The following NKAIN2 variants were observed in gnomAD, a reference collection of about 807,000 sequenced individuals.
NKAIN2 encodes sodium/potassium-transporting ATPase subunit beta-1-interacting protein 2.
Under a neutral mutation model 32.6 loss-of-function variants are expected in NKAIN2, and 14 were observed. The observed-to-expected ratio is 0.43, with a 90% CI of 0.28 to 0.67. The LOEUF is 0.67. Among genes scored for constraint, NKAIN2 ranks in the 30% least tolerant of loss-of-function variants. The probability of loss-of-function intolerance (pLI) is 0.17; values close to 1 mark genes in which losing one functional copy is unlikely to be tolerated. For missense variants in NKAIN2, 198 were observed against 258.3 expected, an observed-to-expected ratio of 0.77 and a Z score of 1.60; for synonymous variants, 80 against 87.2, an observed-to-expected ratio of 0.92 and a Z score of 0.46.
intron 4 of NKAIN2, among the ~76,000 whole-genome samples, chr6:124,699,092 G>A (rs748516843): frequency 2.6e-5 from 4 of 152,122 alleles, no homozygotes; most frequent in African/African-American, 9.7e-5. Flanking sequence ...CCAAAGCTTA[G>A]TGGCTTAAAG....
intron 3 of NKAIN2, among the ~76,000 whole-genome samples, chr6:124,561,691 G>A (rs1562257637): frequency 6.6e-6 from 1 of 152,126 alleles, no homozygotes. Context: ...ATGGGAGACA[G>A]TCTTTGCATA....
intron 3 of NKAIN2, among the ~76,000 whole-genome samples, chr6:124,386,751 C>G (rs1230558988): frequency 6.6e-6 from 1 of 152,166 alleles, no homozygotes; most frequent in Non-Finnish European, 1.5e-5. Flanking sequence ...TCTCTTCTCA[C>G]AAATCTACCT....
chr6:124,451,447 G>T (rs1020009259), intron 3 of NKAIN2, among the ~76,000 whole-genome samples: 1 of 152,104 alleles, frequency 6.6e-6, no homozygotes. Context: ...ATGAATGGAG[G>T]CTTTACTCCT....
intron 2 of NKAIN2, among the ~76,000 whole-genome samples, chr6:124,332,662 C>A (rs1202413137): frequency 1.3e-5 from 2 of 151,906 alleles, no homozygotes; most frequent in Non-Finnish European, 2.9e-5. Context: ...AAAAGTAATC[C>A]CAGTGCTGAT....
At chr6:124,617,865 A>G (rs990854655) in intron 3 of NKAIN2, among the ~76,000 whole-genome samples, 15 of 152,216 alleles carry the variant, frequency 9.9e-5, no homozygotes, top group Non-Finnish European at 2.1e-4. Flanking sequence ...ATAACTAGGA[A>G]TAATTCAAAT....
intron 1 of NKAIN2, among the ~76,000 whole-genome samples, chr6:124,253,514 C>T (rs1173287150): frequency 2.0e-5 from 3 of 152,100 alleles, no homozygotes; most frequent in Non-Finnish European, 4.4e-5. Context: ...ACATCTAGGG[C>T]AATTTGTTAG....
chr6:123,832,207 A>G (rs1021971500), intron 1 of NKAIN2, among the ~76,000 whole-genome samples: 3 of 152,160 alleles, frequency 2.0e-5, no homozygotes, highest in Non-Finnish European at 4.4e-5. Flanking sequence ...TCCAGATATC[A>G]TATAGTTGGA....
At chr6:123,952,499 CT>C (rs1248110127) in intron 1 of NKAIN2, among the ~76,000 whole-genome samples, 1 of 151,984 alleles carries the variant, frequency 6.6e-6, no homozygotes, top group Non-Finnish European at 1.5e-5. Context: ...TTTTCTTTGC[CT>C]TTGGTGAAAC....
intron 3 of NKAIN2, among the ~76,000 whole-genome samples, chr6:124,513,160 CATTAAACTAAAATA>C (rs1385716614): frequency 3.9e-5 from 6 of 152,066 alleles, no homozygotes; most frequent in Non-Finnish European, 8.8e-5. Context: ...TTATGAAAAA[CATTAAACTAAAATA>C]ATGTGAAAAG....
intron 3 of NKAIN2, among the ~76,000 whole-genome samples, chr6:124,601,359 G>C (rs533771482): frequency 6.6e-6 from 1 of 152,150 alleles, no homozygotes; most frequent in African/African-American, 2.4e-5. Context: ...TGCCTATTGC[G>C]TACACAATTC....
intron 4 of NKAIN2, among the ~76,000 whole-genome samples, chr6:124,687,432 CCAT>C: frequency 2.2e-3 from 2 of 890 alleles, no homozygotes; most frequent in African/African-American, 0.012. Flanking sequence ...TCCATGTATA[CCAT>C]ATACATACAT....
Position 123,949,535 on chromosome 6 carries a change from TC to T in NKAIN2, c.54+145283del, listed in dbSNP as rs368203073. ...CTTTCACCCACTTTGTTGAATTTAT[TC>T]CTACGTATTTGGTTCATTTTGTAAC... is the stretch of plus-strand genomic sequence containing the variant. On this transcript the variant is annotated intron_variant, in intron 1 of 6. Coordinates refer to ENST00000368417, the MANE Select transcript of NKAIN2 (RefSeq NM_001040214.3). 4.7e-3 allele frequency among the ~76,000 whole-genome samples: 710 copies of T among 152,142 alleles called. 2 individuals carry two copies. The highest frequency in any genetic ancestry group is 0.016 in the African/African-American group (678 of 41,562).
chr6:124,769,608 C>T (rs1778662183), intron 4 of NKAIN2, among the ~76,000 whole-genome samples: 1 of 152,062 alleles, frequency 6.6e-6, no homozygotes, highest in Admixed American at 6.5e-5. Context: ...GATTGTTTTC[C>T]CTGTTTCAAG....
chr6:124,103,284 G>A lies in NKAIN2; in HGVS notation c.55-179721G>A, dbSNP rs1047923215. Among the ~76,000 whole-genome samples, 4 of 152,036 alleles carry A rather than the reference G, an allele frequency of 2.6e-5. No homozygotes were observed. The South Asian group carries it at 6.2e-4, about 24-fold the overall frequency. ...AATTTGATACCCTGAAAAATAGAGC[G>A]TGAATCGAAAAGAACTTTCCTTAAT... On this transcript the variant is annotated intron_variant, in intron 1 of 6. Transcript: ENST00000368417.
intron 1 of NKAIN2, among the ~76,000 whole-genome samples, chr6:124,173,203 A>C (rs1358286707): frequency 6.6e-6 from 1 of 152,156 alleles, no homozygotes; most frequent in Non-Finnish European, 1.5e-5. Flanking sequence ...TAAAATGAGA[A>C]TCTCTCTTGC....
chr6:123,910,711 G>A (rs769034043), intron 1 of NKAIN2, among the ~76,000 whole-genome samples: 2 of 151,578 alleles, frequency 1.3e-5, no homozygotes, highest in African/African-American at 2.4e-5. Flanking sequence ...TCATCATGTT[G>A]GCCAGGATGG....
chr6:124,421,541 T>G (rs1361017156), intron 3 of NKAIN2, among the ~76,000 whole-genome samples: 2 of 151,648 alleles, frequency 1.3e-5, no homozygotes, highest in African/African-American at 4.8e-5. Flanking sequence ...AACTATAACA[T>G]TTTAATAGGT....
At chr6:124,115,907 G>A (rs1785587983) in intron 1 of NKAIN2, among the ~76,000 whole-genome samples, 1 of 151,758 alleles carries the variant, frequency 6.6e-6, no homozygotes, top group South Asian at 2.1e-4. Context: ...GAATAATGTT[G>A]GTGTCTTAGT....
At chr6:124,193,316 C>G (rs1790125740) in intron 1 of NKAIN2, among the ~76,000 whole-genome samples, 1 of 152,270 alleles carries the variant, frequency 6.6e-6, no homozygotes, top group Non-Finnish European at 1.5e-5. Flanking sequence ...TGTGAGTGAG[C>G]GAGCATGTGG....
Sources: gnomAD v4.1 joint callset for allele counts (sites outside exome capture counted in the v4.1 genomes callset) on GRCh38, gnomAD v4.1.1 for gene constraint, MANE v1.5 for transcripts, NCBI Gene and HGNC (gene_info 2026-07-23, HGNC 2026-07-21) for gene names.